TCTN1: variants seen among roughly 807,000 people sequenced by gnomAD.
The protein encoded by TCTN1 is tectonic-1.
TCTN1 carries 58 observed loss-of-function variants against 65.8 expected under a neutral mutation model. That is an observed-to-expected ratio of 0.88 (90% confidence interval 0.71 to 1.10). The LOEUF (loss-of-function observed/expected upper bound fraction) is 1.10, where lower values mean the gene tolerates loss of function less well. TCTN1 is among the 50% of genes least tolerant of loss of function. TCTN1 has a pLI of 0.00. For synonymous variants in TCTN1, 273 were observed against 289.1 expected, an observed-to-expected ratio of 0.94 and a Z score of 0.57; for missense variants, 645 against 719.4, an observed-to-expected ratio of 0.90 and a Z score of 1.18.
chr12:110,638,649 G>T (rs2066745548), intron 7 of TCTN1, among the ~76,000 whole-genome samples: 1 of 152,144 alleles, frequency 6.6e-6, no homozygotes, highest in Admixed American at 6.5e-5. Context: ...CTGTCGAGAC[G>T]AGGGCAGCTC....
intron 6 of TCTN1, chr12:110,636,257 C>G: frequency 2.1e-6 from 1 of 475,594 alleles, no homozygotes; most frequent in South Asian, 2.1e-5. Flanking sequence ...GAGCTTCTAC[C>G]TGGAGGAAAT....
Position 110,641,021 on chromosome 12 carries a change from T to C in TCTN1, c.979-3T>C, listed in dbSNP as rs2066914242. 1 of 1,614,204 alleles carries C rather than the reference T, an allele frequency of 6.2e-7. No individual in the cohort carries two copies. Among genetic ancestry groups the C allele is most frequent in the Non-Finnish European group, 8.5e-7 (1 of 1,180,034 alleles). ...TATATTTGGAGTATCATTTTGTTTT[T>C]AGGTAAAGTACAGCCTCACATACAC... is the stretch of plus-strand genomic sequence containing the variant. On this transcript the variant is annotated splice_polypyrimidine_tract_variant and splice_region_variant and intron_variant, in intron 8 of 14. Coordinates refer to ENST00000397659, the MANE Select transcript of TCTN1 (RefSeq NM_001082538.3).
chr12:110,626,179 C>T (rs1438307910), intron 2 of TCTN1, among the ~76,000 whole-genome samples, 183 bp from the exon 3 acceptor site: 1 of 151,658 alleles, frequency 6.6e-6, no homozygotes, highest in Non-Finnish European at 1.5e-5. Context: ...AGCTCTGCCT[C>T]CTGGGTTCAT....
intron 13 of TCTN1, 199 bp from the exon 14 acceptor site, chr12:110,647,550 A>C: frequency 9.8e-7 from 1 of 1,022,858 alleles, no homozygotes; most frequent in Non-Finnish European, 1.4e-6. Flanking sequence ...TCTCATGAAA[A>C]TTATGATATT....
At chr12:110,642,505 C>CAT in intron 11 of TCTN1, 116 bp downstream of exon 11, 1 of 1,418,596 alleles carries the variant, frequency 7.0e-7, no homozygotes, top group Non-Finnish European at 9.9e-7. Flanking sequence ...ATGAAAGCCA[C>CAT]ATATAGTATA....
At chr12:110,628,011 G>C in intron 3 of TCTN1, 1 of 1,532,980 alleles carries the variant, frequency 6.5e-7, no homozygotes. Flanking sequence ...CCAGCCCAGT[G>C]AACATGCCAG....
In TCTN1 at chr12:110,626,504, A is replaced by G; in HGVS notation, c.472+12A>G. ...TCATATTACAAACTGTAAGTATTTGACATTGATATATTTTGTGAAGCTCTG... is the reference window on the plus strand; with the variant it reads ...TCATATTACAAACTGTAAGTATTTGGCATTGATATATTTTGTGAAGCTCTG... On this transcript the variant is annotated intron_variant, in intron 3 of 14. Coordinates refer to ENST00000397659, the MANE Select transcript of TCTN1 (RefSeq NM_001082538.3). 6.2e-7 allele frequency: 1 copy of G among 1,610,082 alleles called. No homozygotes were observed. Among genetic ancestry groups the G allele is most frequent in the Non-Finnish European group, 8.5e-7 (1 of 1,178,550 alleles).
chr12:110,641,294 A>G, intron 9 of TCTN1, 145 bp downstream of exon 9: 1 of 1,221,754 alleles, frequency 8.2e-7, no homozygotes, highest in South Asian at 1.3e-5. Flanking sequence ...TGCATTTGTA[A>G]TGAAACCAAG....
intron 2 of TCTN1, among the ~76,000 whole-genome samples, chr12:110,622,251 C>T (rs1004260410): frequency 4.6e-5 from 7 of 152,084 alleles, no homozygotes; most frequent in South Asian, 4.1e-4. Flanking sequence ...TCTTTTAGGC[C>T]GACACCAGGC....
intron 1 of TCTN1, among the ~76,000 whole-genome samples, chr12:110,617,906 T>TGGGA (rs1468258812): frequency 2.7e-4 from 41 of 152,228 alleles, no homozygotes; most frequent in Admixed American, 2.4e-3. Flanking sequence ...CCCAAAGTGC[T>TGGGA]GGGATTACAG....
intron 4 of TCTN1, among the ~76,000 whole-genome samples, chr12:110,631,620 C>A (rs2066243655): frequency 6.6e-6 from 1 of 152,060 alleles, no homozygotes; most frequent in East Asian, 1.9e-4. Context: ...GGCAATAGAG[C>A]AAGACTCCAT....
At chr12:110,635,896 C>T (rs1304762396) in intron 6 of TCTN1, 4 of 153,674 alleles carry the variant, frequency 2.6e-5, no homozygotes, top group Non-Finnish European at 5.8e-5. Flanking sequence ...TGTCTTGAAG[C>T]AATTCCTTGG....
At position 110,640,763 on chromosome 12, in the gene TCTN1, C is replaced by A. The variant is rs1193643308; in HGVS notation, c.978+246C>A. Among the ~76,000 whole-genome samples, 2 of 152,246 alleles carry A rather than the reference C, an allele frequency of 1.3e-5. No homozygotes were observed. Among genetic ancestry groups the A allele is most frequent in the East Asian group, 3.9e-4 (2 of 5,186 alleles). On this transcript the variant is annotated intron_variant, in intron 8 of 14. Transcript: ENST00000397659. The surrounding 1 kb of genome is among the most constrained non-coding windows in gnomAD (Gnocchi z 4.9). The stretch of plus-strand genomic sequence containing the variant: ...TGCTGTTTTTGTTTTAACATGTTTC[C>A]TCTGCAGAGATAGGCTTATTGCATT...
chr12:110,644,639 C>T lies in TCTN1; in HGVS notation c.1332-328C>T. On this transcript the variant is annotated intron_variant, in intron 11 of 14. Coordinates refer to ENST00000397659, the MANE Select transcript of TCTN1 (RefSeq NM_001082538.3). The surrounding 1 kb of genome is among the most constrained non-coding windows in gnomAD (Gnocchi z 4.6). ...GTTGCAGTGAGCCAAGATTGCCTCACTGTACTCCAGCCTGGGCAACAGAGC... is the reference window on the plus strand; with the variant it reads ...GTTGCAGTGAGCCAAGATTGCCTCATTGTACTCCAGCCTGGGCAACAGAGC... 1 of 349,266 alleles carries T rather than the reference C, an allele frequency of 2.9e-6. No homozygotes were observed. The highest frequency in any genetic ancestry group is 2.3e-5 in the South Asian group (1 of 42,690). The allele number at this position is 349,266 out of a possible 1,614,324, so 21.6% of individuals were successfully genotyped here.
intron 7 of TCTN1, among the ~76,000 whole-genome samples, chr12:110,638,611 T>A (rs1367740540): frequency 6.6e-6 from 1 of 152,182 alleles, no homozygotes; most frequent in East Asian, 1.9e-4. Context: ...ACAGCGCTAC[T>A]GTTTCCTTCT....
intron 1 of TCTN1, 58 bp downstream of exon 1, chr12:110,614,460 C>G: frequency 1.3e-6 from 2 of 1,555,472 alleles, no homozygotes; most frequent in Non-Finnish European, 1.7e-6. Context: ...AGGGGACAGC[C>G]CCGGTGAGGA....
At chr12:110,614,938 A>AT (rs1198993961) in intron 1 of TCTN1, among the ~76,000 whole-genome samples, 4 of 152,122 alleles carry the variant, frequency 2.6e-5, no homozygotes, top group Non-Finnish European at 5.9e-5. Flanking sequence ...GATAATTAAC[A>AT]TTTTTTTCAG....
At chr12:110,623,919 T>A (rs2065631622) in intron 2 of TCTN1, among the ~76,000 whole-genome samples, 1 of 151,842 alleles carries the variant, frequency 6.6e-6, no homozygotes, top group Non-Finnish European at 1.5e-5. Flanking sequence ...GTTAAACAAA[T>A]TGGGGTATTA....
intron 2 of TCTN1, among the ~76,000 whole-genome samples, chr12:110,621,996 G>C (rs2065462095): frequency 6.6e-6 from 1 of 151,904 alleles, no homozygotes. Flanking sequence ...AAATCAGCTG[G>C]GCGTGGTGGT....
Sources: gnomAD v4.1 joint callset for allele counts (sites outside exome capture counted in the v4.1 genomes callset) on GRCh38, gnomAD v4.1.1 for gene constraint, Gnocchi (gnomAD v3.1) non-coding constraint, MANE v1.5 for transcripts, NCBI Gene and HGNC (gene_info 2026-07-23, HGNC 2026-07-21) for gene names.